The following BCL2L14 variants were observed in gnomAD, a reference collection of about 807,000 sequenced individuals.
BCL2L14 encodes BCL2 like 14.
A neutral mutation model predicts 35.3 loss-of-function variants in BCL2L14; 27 were observed. That is an observed-to-expected ratio of 0.76 (90% CI 0.56 to 1.05). The LOEUF (loss-of-function observed/expected upper bound fraction) is 1.05, where lower values mean the gene tolerates loss of function less well. Ranked by LOEUF, BCL2L14 falls within the 50% of genes least tolerant of loss-of-function variation. The pLI, the probability that BCL2L14 is intolerant of heterozygous loss-of-function variation, is 0.00. For synonymous variants in BCL2L14, 139 were observed against 145.9 expected, an observed-to-expected ratio of 0.95 and a Z score of 0.34; for missense variants, 377 against 382.6, an observed-to-expected ratio of 0.99 and a Z score of 0.12.
At chr12:12,074,320 A>G (rs551087888) in intron 1 of BCL2L14, among the ~76,000 whole-genome samples, 9 of 152,350 alleles carry the variant, frequency 5.9e-5, no homozygotes, top group African/African-American at 2.2e-4. Flanking sequence ...TAGAGCATCA[A>G]GCGCTACTCT....
intron 5 of BCL2L14, 40 bp from the exon 6 acceptor site, chr12:12,098,910 A>G (rs1949372640): frequency 1.4e-6 from 2 of 1,435,290 alleles, no homozygotes. Flanking sequence ...TCAACAGTAA[A>G]TCTAACTTGG....
At chr12:12,060,084 C>T (rs535715967) in intron 2 of BCL2L14, among the ~76,000 whole-genome samples, 72 of 151,904 alleles carry the variant, frequency 4.7e-4, no homozygotes, top group African/African-American at 1.3e-3. Context: ...CTCTCCTCCT[C>T]GCCAGGCCGA....
chr12:12,087,825 T>C (rs969532732), intron 3 of BCL2L14, among the ~76,000 whole-genome samples: 2 of 152,190 alleles, frequency 1.3e-5, no homozygotes, highest in Non-Finnish European at 2.9e-5. Context: ...CCAGCTATGG[T>C]GCAAGACATG....
intron 2 of BCL2L14, among the ~76,000 whole-genome samples, chr12:12,061,294 C>G (rs1246766690): frequency 6.6e-6 from 1 of 151,668 alleles, no homozygotes; most frequent in Non-Finnish European, 1.5e-5. Context: ...TAAGATACCT[C>G]TACTCCCTCC....
intron 1 of BCL2L14, chr12:12,071,689 C>T (rs993100707): frequency 6.6e-6 from 1 of 152,218 alleles, no homozygotes; most frequent in Non-Finnish European, 1.5e-5. Flanking sequence ...CCTCTCTCCC[C>T]TCTAGAAAGC....
intron 2 of BCL2L14, among the ~76,000 whole-genome samples, chr12:12,061,862 G>C (rs1183308658): frequency 6.6e-6 from 1 of 152,150 alleles, no homozygotes; most frequent in Non-Finnish European, 1.5e-5. Context: ...TGCTGATCGT[G>C]TCCGATTAAT....
intron 1 of BCL2L14, 23 bp from the exon 2 acceptor site, chr12:12,079,276 C>G (rs1406416901): frequency 6.3e-7 from 1 of 1,596,912 alleles, no homozygotes; most frequent in Non-Finnish European, 8.5e-7. Flanking sequence ...TAGAAGGGCA[C>G]AGTGTGGACT....
chr12:12,073,849 C>A (rs143672788), intron 1 of BCL2L14, among the ~76,000 whole-genome samples: 1 of 152,238 alleles, frequency 6.6e-6, no homozygotes, highest in African/African-American at 2.4e-5. Context: ...AATTCCATGT[C>A]TGGTCTCTTG....
intron 4 of BCL2L14, among the ~76,000 whole-genome samples, chr12:12,093,588 T>A (rs1409790056): frequency 6.6e-6 from 1 of 150,478 alleles, no homozygotes; most frequent in Non-Finnish European, 1.5e-5. Flanking sequence ...AGGTTAGGAG[T>A]TCAAGACCAG....
intron 1 of BCL2L14, among the ~76,000 whole-genome samples, chr12:12,050,387 T>C (rs1002912556): frequency 1.1e-4 from 16 of 142,312 alleles, no homozygotes; most frequent in African/African-American, 4.2e-4. Flanking sequence ...GAGCCTAGAT[T>C]GCGCCACTGC....
chr12:12,094,561 T>C (rs1417601273), intron 4 of BCL2L14, 103 bp from the exon 5 acceptor site: 3 of 1,614,142 alleles, frequency 1.9e-6, no homozygotes, highest in South Asian at 2.2e-5. Context: ...TCCAGGGTTT[T>C]CCACAGGATG....
chr12:12,085,149 C>T (rs2448053), intron 2 of BCL2L14, among the ~76,000 whole-genome samples: 31,993 of 151,084 alleles, frequency 0.21, 3,895 homozygotes, highest in Non-Finnish European at 0.28. Flanking sequence ...AATTTTGTAC[C>T]TGTTGGTGAT....
At chr12:12,068,026 G>A (rs940315311), upstream of BCL2L14, 18 of 386,882 alleles carry the variant, frequency 4.7e-5, no homozygotes, top group Non-Finnish European at 6.4e-5. Flanking sequence ...TCAAGCCCCC[G>A]GCCCCCTGCC....
intron 2 of BCL2L14, among the ~76,000 whole-genome samples, chr12:12,084,038 T>TC (rs912398971): frequency 6.5e-4 from 99 of 152,312 alleles, no homozygotes; most frequent in African/African-American, 2.3e-3. Flanking sequence ...ACCCATCATG[T>TC]CTACATCTCA....
At chr12:12,072,607 T>G (rs1355596959) in intron 1 of BCL2L14, 1 of 152,200 alleles carries the variant, frequency 6.6e-6, no homozygotes, top group Admixed American at 6.5e-5. Flanking sequence ...AAATCTCCCC[T>G]CCAGGTTCTG....
chr12:12,060,004 T>C (rs2961548), intron 2 of BCL2L14, among the ~76,000 whole-genome samples: 146,484 of 151,864 alleles, frequency 0.96, 70,880 homozygotes, highest in South Asian at 1. Flanking sequence ...CTCCCACCTG[T>C]CCCCTCAGTC....
chr12:12,089,355 G>A (rs1363933248), intron 3 of BCL2L14, among the ~76,000 whole-genome samples: 1 of 141,292 alleles, frequency 7.1e-6, no homozygotes, highest in Non-Finnish European at 1.5e-5. Flanking sequence ...GGTGACAAGA[G>A]TGAAACTCCA....
chr12:12,076,617 C>T (rs1948786147), intron 1 of BCL2L14, among the ~76,000 whole-genome samples: 1 of 152,114 alleles, frequency 6.6e-6, no homozygotes, highest in South Asian at 2.1e-4. Flanking sequence ...ATTTTTGTCC[C>T]CTCCAGCATC....
chr12:12,054,819 G>C (rs1948406633), intron 2 of BCL2L14: 1 of 151,916 alleles, frequency 6.6e-6, no homozygotes, highest in African/African-American at 2.4e-5. Flanking sequence ...GTGGTGGCAT[G>C]TGCCTGTAGT....
Sources: allele counts gnomAD v4.1 joint callset (sites outside exome capture counted in the v4.1 genomes callset), GRCh38; gene constraint gnomAD v4.1.1; transcripts MANE v1.5; gene names NCBI Gene and HGNC (gene_info 2026-07-23, HGNC 2026-07-21).